The following CACNB4 variants were observed in gnomAD, a reference collection of about 807,000 sequenced individuals.
CACNB4 encodes calcium voltage-gated channel auxiliary subunit beta 4.
Under a neutral mutation model 71.2 loss-of-function variants are expected in CACNB4, and 32 were observed. That is an observed-to-expected ratio of 0.45 (90% confidence interval 0.34 to 0.60). The LOEUF (loss-of-function observed/expected upper bound fraction) is 0.60. CACNB4 is among the 20% of genes least tolerant of loss of function. The probability of loss-of-function intolerance (pLI) is 0.01; values close to 1 mark genes in which losing one functional copy is unlikely to be tolerated. For synonymous variants in CACNB4, 231 were observed against 236.9 expected, an observed-to-expected ratio of 0.97 and a Z score of 0.23; for missense variants, 464 against 647.9, an observed-to-expected ratio of 0.72 and a Z score of 3.08.
Position 151,995,017 on chromosome 2 carries a change from C to A in CACNB4, c.147+103313G>T, listed in dbSNP as rs147047541. 4.6e-3 allele frequency among the ~76,000 whole-genome samples: 694 copies of A among 152,212 alleles called. 8 individuals are homozygous for A. The highest frequency in any genetic ancestry group is 0.016 in the African/African-American group (667 of 41,528). ...ACTTGAGGTCCAGTTTGATGCTGAT[C>A]AAACAAGGAATTAAATAAATTTGCA... On this transcript the variant is annotated intron_variant, in intron 2 of 13. Transcript: ENST00000539935.
chr2:151,938,637 C>T (rs1364467850), intron 2 of CACNB4, among the ~76,000 whole-genome samples: 4 of 152,226 alleles, frequency 2.6e-5, no homozygotes, highest in South Asian at 4.1e-4. Context: ...AGAATGTCAT[C>T]GAGAATACAA....
At chr2:151,906,935 T>C (rs2099854970) in intron 2 of CACNB4, among the ~76,000 whole-genome samples, 1 of 152,224 alleles carries the variant, frequency 6.6e-6, no homozygotes, top group Admixed American at 6.5e-5. Context: ...CAGGCTTGCT[T>C]AGTTCCCATT....
chr2:151,911,610 C>A (rs1164582652), intron 2 of CACNB4, among the ~76,000 whole-genome samples: 2 of 152,164 alleles, frequency 1.3e-5, no homozygotes, highest in African/African-American at 4.8e-5. Context: ...CACTGATGTT[C>A]ATCAGGGATA....
chr2:151,922,274 C>T (rs2151575626), intron 2 of CACNB4, among the ~76,000 whole-genome samples: 1 of 152,282 alleles, frequency 6.6e-6, no homozygotes, highest in Non-Finnish European at 1.5e-5. Flanking sequence ...ATGATCATAG[C>T]TCATTGCAGC....
At chr2:151,999,865 C>T (rs1682300651) in intron 2 of CACNB4, among the ~76,000 whole-genome samples, 1 of 152,146 alleles carries the variant, frequency 6.6e-6, no homozygotes, top group East Asian at 1.9e-4. Context: ...ATTCTATTCC[C>T]AAATTCATTT....
chr2:151,952,182 C>T (rs2099867068), intron 2 of CACNB4, among the ~76,000 whole-genome samples: 1 of 152,028 alleles, frequency 6.6e-6, no homozygotes, highest in Non-Finnish European at 1.5e-5. Flanking sequence ...TCAGAGTAAA[C>T]AACGATCTAA....
intron 2 of CACNB4, among the ~76,000 whole-genome samples, chr2:151,917,163 A>T (rs186899820): frequency 1.3e-5 from 2 of 152,360 alleles, no homozygotes; most frequent in Non-Finnish European, 2.9e-5. Flanking sequence ...ATACAATGTT[A>T]AACAATATGT....
chr2:152,005,005 A>G (rs1460401453), intron 2 of CACNB4, among the ~76,000 whole-genome samples: 3 of 152,216 alleles, frequency 2.0e-5, no homozygotes, highest in Non-Finnish European at 1.5e-5. Context: ...TGCTATTATT[A>G]AAAAGTCAAA....
intron 2 of CACNB4, among the ~76,000 whole-genome samples, chr2:151,960,311 T>C (rs991877176): frequency 1.3e-5 from 2 of 152,144 alleles, no homozygotes; most frequent in African/African-American, 4.8e-5. Flanking sequence ...TTTTATTCCT[T>C]ATTGCTGGAA....
chr2:151,997,520 T>A (rs1105617), intron 2 of CACNB4, among the ~76,000 whole-genome samples: 68,934 of 150,746 alleles, frequency 0.46, 19,464 homozygotes, highest in Non-Finnish European at 0.63. Context: ...GGAGACAGAG[T>A]GAGACTCTGT....
Position 151,842,203 on chromosome 2 carries a change from TTTG to T in CACNB4, c.1117-118_1117-116del, listed in dbSNP as rs2099836395. ...TTAATAGCTATTAGCTAAAATCAAA[TTTG>T]AGGTGCTATATGGGCAGTTTCTAAA... On this transcript the variant is annotated intron_variant, in intron 12 of 13. Transcript: ENST00000539935. 3.6e-6 allele frequency: 3 copies of T among 830,098 alleles called. No individual in the cohort carries two copies. In the African/African-American group the frequency reaches 5.1e-5, roughly 14 times the overall value. 51.4% of individuals were successfully genotyped at this position (830,098 alleles called of 1,614,324 possible).
chr2:151,876,355 A>T, intron 5 of CACNB4, 71 bp downstream of exon 5: 2 of 1,309,252 alleles, frequency 1.5e-6, no homozygotes, highest in Non-Finnish European at 2.1e-6. Context: ...CTACTTTGAA[A>T]GTATACACCC....
At chr2:151,990,524 A>AC (rs779342174) in intron 2 of CACNB4, among the ~76,000 whole-genome samples, 1 of 152,222 alleles carries the variant, frequency 6.6e-6, no homozygotes, top group Non-Finnish European at 1.5e-5. Context: ...TGTGAGCTCC[A>AC]GGAGGAACAG....
intron 2 of CACNB4, among the ~76,000 whole-genome samples, chr2:151,979,012 A>G (rs564505367): frequency 6.6e-6 from 1 of 152,030 alleles, no homozygotes; most frequent in South Asian, 2.1e-4. Context: ...ACCTGGGTGT[A>G]CCCAGCGCTC....
chr2:152,051,869 T>C (rs778308635), intron 2 of CACNB4, among the ~76,000 whole-genome samples: 6 of 152,244 alleles, frequency 3.9e-5, no homozygotes, highest in Admixed American at 3.3e-4. Context: ...AATGTGCCTA[T>C]ACTGGACTTT....
At chr2:151,918,541 T>C (rs899898779) in intron 2 of CACNB4, among the ~76,000 whole-genome samples, 1 of 152,210 alleles carries the variant, frequency 6.6e-6, no homozygotes, top group Non-Finnish European at 1.5e-5. Context: ...ATAAGGGCAC[T>C]TCCCTGATCA....
intron 2 of CACNB4, among the ~76,000 whole-genome samples, chr2:151,933,156 G>A (rs1307990230): frequency 6.7e-6 from 1 of 149,200 alleles, no homozygotes; most frequent in Non-Finnish European, 1.5e-5. Flanking sequence ...AAAAGTAATT[G>A]TGGTTTTTGC....
intron 2 of CACNB4, among the ~76,000 whole-genome samples, chr2:151,961,145 C>T (rs957160524): frequency 6.6e-6 from 1 of 152,176 alleles, no homozygotes; most frequent in Non-Finnish European, 1.5e-5. Flanking sequence ...TCTCACATTG[C>T]TAATCCCTGT....
intron 2 of CACNB4, among the ~76,000 whole-genome samples, chr2:151,956,396 T>C (rs971164327): frequency 1.3e-5 from 2 of 152,248 alleles, no homozygotes; most frequent in Admixed American, 1.3e-4. Context: ...AGCTGCAACA[T>C]GGATGGATCC....
Sources: allele counts gnomAD v4.1 joint callset (sites outside exome capture counted in the v4.1 genomes callset), GRCh38; gene constraint gnomAD v4.1.1; transcripts MANE v1.5; gene names NCBI Gene and HGNC (gene_info 2026-07-23, HGNC 2026-07-21).